GUCY2C: variants seen among roughly 807,000 people sequenced by gnomAD.
GUCY2C encodes guanylyl cyclase C.
In GUCY2C, 118 loss-of-function variants were observed where a neutral mutation model predicts 131.1. That is an observed-to-expected ratio of 0.90 (90% CI 0.78 to 1.05). The LOEUF (loss-of-function observed/expected upper bound fraction) is 1.05, where lower values mean the gene tolerates loss of function less well. GUCY2C is among the 50% of genes least tolerant of loss of function. The pLI, the probability that GUCY2C is intolerant of heterozygous loss-of-function variation, is 0.00. For synonymous variants in GUCY2C, 452 were observed against 457.8 expected (o/e 0.99, Z 0.16); for missense variants, 1,161 against 1,304.4 (o/e 0.89, Z 1.69).
chr12:14,629,146 A>T (rs1947090491), intron 19 of GUCY2C, among the ~76,000 whole-genome samples: 1 of 152,338 alleles, frequency 6.6e-6, no homozygotes, highest in African/African-American at 2.4e-5. Context: ...AAAGGCTGGA[A>T]TGTAACAAAA....
At chr12:14,640,194 G>T (rs1471186458) in intron 18 of GUCY2C, among the ~76,000 whole-genome samples, 2 of 152,108 alleles carry the variant, frequency 1.3e-5, no homozygotes, top group Non-Finnish European at 2.9e-5. Context: ...GGGGCACAGT[G>T]CCTCAAAGCT....
rs535616001 is a variant in GUCY2C, at chr12:14,620,663, A to T, written c.2776+379T>A. Among the ~76,000 whole-genome samples the T allele has an allele frequency of 1.7e-3, 265 of 152,272 alleles. 1 individual carries two copies. Among genetic ancestry groups the T allele is most frequent in the African/African-American group, 6.0e-3 (250 of 41,560 alleles). ...TTTATTTCCCCTTGTAGATAATCTAATCCACTTAAGATACTATAATATTTT... is the reference window on the plus strand; with the variant it reads ...TTTATTTCCCCTTGTAGATAATCTATTCCACTTAAGATACTATAATATTTT... On this transcript the variant is annotated intron_variant, in intron 23 of 26. Transcript: ENST00000261170.
At chr12:14,614,289 G>A (rs1442767835) in intron 26 of GUCY2C, among the ~76,000 whole-genome samples, 1 of 152,130 alleles carries the variant, frequency 6.6e-6, no homozygotes, top group Non-Finnish European at 1.5e-5. Context: ...GACAGAATAG[G>A]TAGAAGCTCA....
At chr12:14,666,674 G>C (rs1947987418) in intron 10 of GUCY2C, among the ~76,000 whole-genome samples, 1 of 150,188 alleles carries the variant, frequency 6.7e-6, no homozygotes, top group African/African-American at 2.5e-5. Flanking sequence ...GGCAGAGGTT[G>C]CAGTGAGCCA....
chr12:14,674,386 C>T (rs2137076615), intron 8 of GUCY2C: 1 of 543,844 alleles, frequency 1.8e-6, no homozygotes, highest in South Asian at 1.9e-5. Context: ...AGTACAGAAC[C>T]TGCGCTACCT....
At chr12:14,667,904 A>G (rs2137064923) in intron 10 of GUCY2C, among the ~76,000 whole-genome samples, 1 of 152,022 alleles carries the variant, frequency 6.6e-6, no homozygotes, top group East Asian at 1.9e-4. Context: ...CTATTACTTT[A>G]CATCATAAGT....
chr12:14,645,945 C>T (rs1430803209), intron 15 of GUCY2C, among the ~76,000 whole-genome samples: 1 of 151,986 alleles, frequency 6.6e-6, no homozygotes, highest in African/African-American at 2.4e-5. Flanking sequence ...CAGCCATTCT[C>T]CTGCCTCAGC....
rs564627098 is a variant in GUCY2C at position 14,617,152 on chromosome 12, GA to G, written c.2876-426del. ...TCCTGCTTTGTCTTCTGCCATGAGT[GA>G]AAGCTTCCTGAGGCCTCCCCAGAAG... is the stretch of plus-strand genomic sequence containing the variant. On this transcript the variant is annotated intron_variant, in intron 24 of 26. Transcript: ENST00000261170. Among the ~76,000 whole-genome samples, 7 of 152,288 alleles carry G rather than the reference GA, an allele frequency of 4.6e-5. No individual in the cohort carries two copies. In the South Asian group the frequency reaches 1.4e-3, roughly 32 times the overall value.
chr12:14,637,734 A>G (rs1947302459), intron 19 of GUCY2C, among the ~76,000 whole-genome samples: 2 of 152,188 alleles, frequency 1.3e-5, no homozygotes, highest in African/African-American at 2.4e-5. Context: ...CTCAAGATAG[A>G]TTTAAGACTT....
intron 22 of GUCY2C, among the ~76,000 whole-genome samples, chr12:14,621,609 T>C (rs1259221360): frequency 6.6e-6 from 1 of 152,242 alleles, no homozygotes; most frequent in Non-Finnish European, 1.5e-5. Context: ...AATATTGTAC[T>C]TTGTAATATG....
chr12:14,629,216 G>A (rs535386626), intron 19 of GUCY2C, among the ~76,000 whole-genome samples: 199 of 152,062 alleles, frequency 1.3e-3, no homozygotes, highest in African/African-American at 4.4e-3. Context: ...AAATAACGAA[G>A]GAATTCTTCT....
At chr12:14,643,280 C>G (rs1947446232) in intron 17 of GUCY2C, among the ~76,000 whole-genome samples, 1 of 152,142 alleles carries the variant, frequency 6.6e-6, no homozygotes, top group African/African-American at 2.4e-5. Context: ...TCTTCCTGCT[C>G]TAACCTTCTA....
At chr12:14,637,828 T>C (rs1188784151) in intron 19 of GUCY2C, among the ~76,000 whole-genome samples, 1 of 152,216 alleles carries the variant, frequency 6.6e-6, no homozygotes, top group Non-Finnish European at 1.5e-5. Context: ...AAAGATTTTA[T>C]GGCTAAGACC....
At chr12:14,655,462 C>T (rs1947745856) in intron 12 of GUCY2C, among the ~76,000 whole-genome samples, 1 of 152,142 alleles carries the variant, frequency 6.6e-6, no homozygotes, top group Admixed American at 6.5e-5. Flanking sequence ...TTTGGATAGA[C>T]ATGAGGGGAT....
chr12:14,671,962 A>G (rs936624183), intron 9 of GUCY2C, among the ~76,000 whole-genome samples: 3 of 152,244 alleles, frequency 2.0e-5, no homozygotes, highest in Admixed American at 2.0e-4. Flanking sequence ...TAGCTTTCTC[A>G]ACGTGGACAT....
chr12:14,692,347 C>G (rs151338547), intron 1 of GUCY2C, among the ~76,000 whole-genome samples: 1 of 152,010 alleles, frequency 6.6e-6, no homozygotes, highest in African/African-American at 2.4e-5. Flanking sequence ...TCTTCTCACT[C>G]GCTTTGTTTT....
intron 11 of GUCY2C, among the ~76,000 whole-genome samples, chr12:14,657,894 C>A (rs1436205011): frequency 6.6e-6 from 1 of 152,128 alleles, no homozygotes; most frequent in African/African-American, 2.4e-5. Flanking sequence ...AAATTGCTTC[C>A]CAAAGCAGTA....
chr12:14,636,130 C>A (rs1249690781), intron 19 of GUCY2C, among the ~76,000 whole-genome samples: 1 of 152,008 alleles, frequency 6.6e-6, no homozygotes, highest in African/African-American at 2.4e-5. Flanking sequence ...ATACCAAAAC[C>A]AGACAAGGAT....
chr12:14,652,059 A>C (rs1352140194), intron 13 of GUCY2C, 29 bp from the exon 14 acceptor site: 1 of 1,353,190 alleles, frequency 7.4e-7, no homozygotes, highest in Non-Finnish European at 1.1e-6. Flanking sequence ...TTTAGGAGAC[A>C]GTGTTGTGGT....
Sources: gnomAD v4.1 joint callset for allele counts (sites outside exome capture counted in the v4.1 genomes callset) on GRCh38, gnomAD v4.1.1 for gene constraint, MANE v1.5 for transcripts, NCBI Gene and HGNC (gene_info 2026-07-23, HGNC 2026-07-21) for gene names.